DIXDC1: variants seen among roughly 807,000 people sequenced by gnomAD.
DIXDC1 encodes DIX domain containing 1.
In DIXDC1, 64 loss-of-function variants were observed where a neutral mutation model predicts 103.1. The observed-to-expected ratio is 0.62, with a 90% CI of 0.51 to 0.76. The LOEUF is 0.76. Among genes scored for constraint, DIXDC1 ranks in the 30% least tolerant of loss-of-function variants. DIXDC1 has a pLI of 0.00. For missense variants in DIXDC1, 759 were observed against 834.2 expected, an observed-to-expected ratio of 0.91 and a Z score of 1.11; for synonymous variants, 266 against 298.5, an observed-to-expected ratio of 0.89 and a Z score of 1.12.
At position 111,993,719 on chromosome 11, in the gene DIXDC1, T is replaced by C. The variant is rs189128197; in HGVS notation, c.1416T>C (p.Cys472=). Residue 472 remains cysteine (C), a synonymous_variant, in exon 14 of 20, where the codon TGT becomes TGC. Coordinates refer to ENST00000440460, the MANE Select transcript of DIXDC1 (RefSeq NM_001037954.4). ...LEHKDVLLAH[C]MKREADEATN... ...ACAAAGATGTCCTCTTGGCTCACTG[T>C]ATGAAAAGAGAGGCAGATGAGGTAA... 3.7e-4 allele frequency: 591 copies of C among 1,614,002 alleles called. 8 individuals are homozygous for C. The East Asian group carries it at 0.01, about 28-fold the overall frequency.
intron 17 of DIXDC1, among the ~76,000 whole-genome samples, chr11:112,014,022 G>A (rs1255199510): frequency 6.6e-6 from 1 of 152,100 alleles, no homozygotes; most frequent in African/African-American, 2.4e-5. Context: ...GAACTAATGG[G>A]TGAGTACTCA....
intron 10 of DIXDC1, among the ~76,000 whole-genome samples, chr11:111,989,718 A>G (rs990796962): frequency 6.6e-6 from 1 of 152,068 alleles, no homozygotes; most frequent in Non-Finnish European, 1.5e-5. Context: ...TTAAAGGTAT[A>G]AAAAGATAAA....
intron 5 of DIXDC1, chr11:111,975,195 G>T: frequency 7.4e-7 from 1 of 1,360,516 alleles, no homozygotes; most frequent in Admixed American, 2.9e-5. Flanking sequence ...TCCCACAAAT[G>T]GAATCTGTGC....
intron 1 of DIXDC1, among the ~76,000 whole-genome samples, chr11:111,939,822 T>C (rs1966359026): frequency 6.6e-6 from 1 of 152,164 alleles, no homozygotes; most frequent in Non-Finnish European, 1.5e-5. Context: ...TCCAGTAATA[T>C]CAATTTATTT....
At chr11:112,013,321 T>TGGGGGGGGGGGGGGGGGG (rs1403269609) in intron 17 of DIXDC1, among the ~76,000 whole-genome samples, 46 of 35,664 alleles carry the variant, frequency 1.3e-3, no homozygotes, top group Admixed American at 1.7e-3. Context: ...GGTCGGGGGG[T>TGGGGGGGGGGGGGGGGGG]GGGGGTGGGG....
At chr11:111,949,370 C>G (rs181361288) in intron 1 of DIXDC1, among the ~76,000 whole-genome samples, 53 of 152,302 alleles carry the variant, frequency 3.5e-4, no homozygotes, top group Middle Eastern at 3.4e-3. Context: ...TTCTCCATCC[C>G]AGTTAAAGCA....
chr11:111,941,874 C>CACACA (rs1555168899), intron 1 of DIXDC1, among the ~76,000 whole-genome samples: 64 of 112,812 alleles, frequency 5.7e-4, no homozygotes, highest in African/African-American at 2.3e-3. Flanking sequence ...ACACACACAC[C>CACACA]CACGAAGAGT....
chr11:112,016,970 G>T (rs77596853), intron 18 of DIXDC1, among the ~76,000 whole-genome samples, 174 bp downstream of exon 18: 1 of 151,926 alleles, frequency 6.6e-6, no homozygotes, highest in Non-Finnish European at 1.5e-5. Flanking sequence ...CCACTATTCA[G>T]TGGTATTATA....
Position 111,998,690 on chromosome 11 carries a change from C to T in DIXDC1, c.1756+2544C>T, listed in dbSNP as rs587632759. On this transcript the variant is annotated intron_variant, in intron 17 of 19. Coordinates refer to ENST00000440460, the MANE Select transcript of DIXDC1 (RefSeq NM_001037954.4). This position sits in a 1 kb window ranked among gnomAD's most constrained non-coding sequence, Gnocchi z 4.1. ...TCCTGATTACAGGCGCCCGCCACCA[C>T]GCCCGGCTAATTTTTTGTATTTTAG... 4.5e-4 allele frequency among the ~76,000 whole-genome samples: 68 copies of T among 152,226 alleles called. No individual in the cohort carries two copies. The highest frequency in any genetic ancestry group is 3.4e-3 in the Middle Eastern group (1 of 294).
intron 1 of DIXDC1, among the ~76,000 whole-genome samples, chr11:111,956,309 A>G (rs587742293): frequency 6.6e-6 from 1 of 152,290 alleles, no homozygotes; most frequent in South Asian, 2.1e-4. Context: ...CAACAATGTG[A>G]ATATACTTAA....
intron 17 of DIXDC1, among the ~76,000 whole-genome samples, chr11:112,011,484 C>G (rs1471223309): frequency 6.6e-6 from 1 of 152,180 alleles, no homozygotes; most frequent in Non-Finnish European, 1.5e-5. Context: ...AATCATGCTA[C>G]TATAAAGACA....
Position 111,982,321 on chromosome 11 carries a change from C to A in DIXDC1, c.770-18C>A, listed in dbSNP as rs782183429. 6 of 1,610,798 alleles carry A rather than the reference C, an allele frequency of 3.7e-6. No homozygotes were observed. The highest frequency in any genetic ancestry group is 2.2e-5 in the East Asian group (1 of 44,860). On this transcript the variant is annotated intron_variant, in intron 6 of 19. Transcript: ENST00000440460. ...GTTTTCTTCAACATGAACTGTACTC[C>A]CTCTTTTCATTTTTTAGAAGGGACA...
At chr11:111,931,656 A>C (rs587602575) in intron 2 of DIXDC1, among the ~76,000 whole-genome samples, 2 of 152,196 alleles carry the variant, frequency 1.3e-5, no homozygotes, top group African/African-American at 4.8e-5. Flanking sequence ...ATAAATAAAT[A>C]AATAAATAAT....
upstream of DIXDC1, among the ~76,000 whole-genome samples, chr11:111,935,971 A>G (rs899977305): frequency 2.0e-5 from 3 of 152,004 alleles, no homozygotes; most frequent in Non-Finnish European, 4.4e-5. Flanking sequence ...TTCAGACAAG[A>G]TATTGCTAGC....
intron 9 of DIXDC1, 92 bp from the exon 10 acceptor site, chr11:111,988,913 A>C: frequency 9.0e-7 from 1 of 1,108,096 alleles, no homozygotes. Flanking sequence ...GGAATGATCA[A>C]CTGGGTTTTG....
chr11:111,937,209 A>G (rs1286398538), upstream of DIXDC1: 17 of 1,075,310 alleles, frequency 1.6e-5, no homozygotes, highest in Admixed American at 5.7e-5. Context: ...GCTTTCCCGC[A>G]GGAAAGCGGG....
intron 2 of DIXDC1, among the ~76,000 whole-genome samples, chr11:111,930,351 C>T (rs1275128877): frequency 6.6e-6 from 1 of 152,074 alleles, no homozygotes; most frequent in Non-Finnish European, 1.5e-5. Flanking sequence ...GCAATCTCAG[C>T]TCACTGCAAC....
chr11:111,939,701 A>T (rs1465480991), intron 1 of DIXDC1, among the ~76,000 whole-genome samples: 1 of 152,196 alleles, frequency 6.6e-6, no homozygotes, highest in Non-Finnish European at 1.5e-5. Flanking sequence ...TAAATAATTC[A>T]TTTTACATAC....
At chr11:111,982,947 C>T (rs1392590211) in intron 7 of DIXDC1, among the ~76,000 whole-genome samples, 2 of 152,234 alleles carry the variant, frequency 1.3e-5, no homozygotes, top group Non-Finnish European at 2.9e-5. Flanking sequence ...ACTCCTAATA[C>T]ATGTGCAAAT....
Sources: gnomAD v4.1 joint callset for allele counts (sites outside exome capture counted in the v4.1 genomes callset) on GRCh38, gnomAD v4.1.1 for gene constraint, Gnocchi (gnomAD v3.1) non-coding constraint, MANE v1.5 for transcripts, NCBI Gene and HGNC (gene_info 2026-07-23, HGNC 2026-07-21) for gene names.